Variants in VPS8 observed in about 807,000 individuals in gnomAD.
VPS8 encodes vacuolar protein sorting-associated protein 8 homolog.
In VPS8, 129 loss-of-function variants were observed where a neutral mutation model predicts 216.4. That is an observed-to-expected ratio of 0.60 (90% confidence interval 0.52 to 0.69). The LOEUF (loss-of-function observed/expected upper bound fraction) is 0.69, where lower values mean the gene tolerates loss of function less well. Ranked by LOEUF, VPS8 falls within the 30% of genes least tolerant of loss-of-function variation. The pLI is 0.00. For missense variants in VPS8, 1,531 were observed against 1,683.5 expected (o/e 0.91, Z 1.59); for synonymous variants, 571 against 565.4 (o/e 1.01, Z -0.14).
chr3:184,938,416 A>G (rs1742021025), intron 35 of VPS8, among the ~76,000 whole-genome samples: 1 of 152,196 alleles, frequency 6.6e-6, no homozygotes, highest in Non-Finnish European at 1.5e-5. Context: ...GCTTGATTGG[A>G]ATGCTAATGG....
chr3:184,940,272 A>ATATG (rs2109321273), intron 36 of VPS8, 29 bp downstream of exon 36: 2 of 723,964 alleles, frequency 2.8e-6, no homozygotes, highest in East Asian at 4.5e-5. Flanking sequence ...GTCTTTCATT[A>ATATG]TATATATATA....
chr3:184,948,575 G>GTA (rs1461315132), intron 36 of VPS8, among the ~76,000 whole-genome samples: 1 of 152,148 alleles, frequency 6.6e-6, no homozygotes, highest in Non-Finnish European at 1.5e-5. Context: ...GACTTTACCA[G>GTA]TAGTAAATCA....
In VPS8 at chr3:184,964,521, A is replaced by AG; in HGVS notation, c.3239dup (p.Asp1081ArgfsTer25). 1 of 1,521,714 alleles carries AG rather than the reference A, an allele frequency of 6.6e-7. No homozygotes were observed. Among genetic ancestry groups the AG allele is most frequent in the Non-Finnish European group, 8.9e-7 (1 of 1,129,592 alleles). 94.3% of individuals were successfully genotyped at this position (1,521,714 alleles called of 1,614,324 possible). ...TCACCGCTTATCTATTGGAAAAGAA[A>AG]GGAGATATTCATGGTGCCTTCCTAA... On this transcript the variant is annotated frameshift_variant, in exon 38 of 48. Coordinates refer to ENST00000625842, the MANE Select transcript of VPS8 (RefSeq NM_001009921.3). LOFTEE classifies it high-confidence loss of function.
At chr3:184,942,018 A>G (rs1742791694) in intron 36 of VPS8, among the ~76,000 whole-genome samples, 2 of 151,932 alleles carry the variant, frequency 1.3e-5, no homozygotes, top group South Asian at 4.2e-4. Flanking sequence ...TTTATGTCTT[A>G]TATAGGAGGT....
chr3:184,870,897 G>A, intron 21 of VPS8, 92 bp downstream of exon 21: 1 of 1,174,436 alleles, frequency 8.5e-7, no homozygotes, highest in African/African-American at 1.6e-5. Context: ...TTCATTTTTG[G>A]TTAAACATTT....
At chr3:184,943,931 G>A (rs1275085731) in intron 36 of VPS8, among the ~76,000 whole-genome samples, 7 of 126,460 alleles carry the variant, frequency 5.5e-5, no homozygotes, top group Non-Finnish European at 1.1e-4. Context: ...GTGAAACCCC[G>A]TCTTTACTAA....
intron 35 of VPS8, among the ~76,000 whole-genome samples, chr3:184,939,029 CA>C (rs201525906): frequency 0.027 from 1,450 of 53,472 alleles, 15 homozygotes; most frequent in African/African-American, 0.073. Flanking sequence ...GACCCTGTCT[CA>C]AAAAAAAAAA....
chr3:185,003,935 A>C (rs1255408505), intron 45 of VPS8, among the ~76,000 whole-genome samples: 1 of 146,500 alleles, frequency 6.8e-6, no homozygotes, highest in African/African-American at 2.6e-5. Context: ...GGCGGGGCAG[A>C]GGCGCTCCCC....
At position 184,929,607 on chromosome 3, in the gene VPS8, A is replaced by G; in HGVS notation, c.2742A>G (p.Glu914=). The change falls in exon 33 of 48, where the codon GAA becomes GAG. Residue 914 remains glutamate, a synonymous_variant. Transcript: ENST00000625842. ...EFYQICEFMY[E]REHQYDKIID... ...ATCAAATTTGTGAATTTATGTATGA[A>G]AGAGAACACCAATATGATAAAATTA... is the stretch of plus-strand genomic sequence containing the variant. 1 of 1,537,044 alleles carries G rather than the reference A, an allele frequency of 6.5e-7. No homozygotes were observed. Among genetic ancestry groups the G allele is most frequent in the Non-Finnish European group, 8.8e-7 (1 of 1,137,294 alleles).
In VPS8 at chr3:184,845,589, C is replaced by G. The variant is rs150728391; in HGVS notation, c.541+2344C>G. The stretch of plus-strand genomic sequence containing the variant: ...AGTCTAACATGGAGAAACCCTGTCT[C>G]TACTAAAAATACAAAATTAGCTGGG... On this transcript the variant is annotated intron_variant, in intron 8 of 47. Coordinates refer to ENST00000625842, the MANE Select transcript of VPS8 (RefSeq NM_001009921.3). Among the ~76,000 whole-genome samples, 494 of 151,970 alleles carry G rather than the reference C, an allele frequency of 3.3e-3. 4 individuals are homozygous for G. The highest frequency in any genetic ancestry group is 0.012 in the African/African-American group (480 of 41,442).
chr3:184,929,629 A>G lies in VPS8; in HGVS notation c.2764A>G (p.Ile922Val). The G allele has an allele frequency of 2.6e-6, 4 of 1,532,180 alleles. No individual in the cohort carries two copies. Among genetic ancestry groups the G allele is most frequent in the Non-Finnish European group, 3.5e-6 (4 of 1,135,566 alleles). 94.9% of individuals were successfully genotyped at this position (1,532,180 alleles called of 1,614,324 possible). ...TGAAAGAGAACACCAATATGATAAA[A>G]TTATTGATTGCTACTTACGTGACCC... ...MYEREHQYDK[I>V]IDCYLRDPLR... Residue 922 changes from isoleucine to valine, a missense_variant, in exon 33 of 48, where the codon ATT (isoleucine) becomes GTT (valine). Physicochemically the swap from Ile to Val is conservative, Grantham distance 29 (BLOSUM62 3). Around this residue, in one of 3 missense-constraint regions of VPS8, gnomAD observed 1,318 missense variants for 1,468.4 expected, o/e 0.90. Transcript: ENST00000625842.
chr3:184,993,912 T>C (rs1286515915), intron 42 of VPS8, 71 bp from the exon 43 acceptor site: 24 of 1,262,424 alleles, frequency 1.9e-5, no homozygotes, highest in Non-Finnish European at 2.6e-5. Flanking sequence ...TTTGGCTTTT[T>C]CAGATAACTT....
chr3:184,999,129 C>T (rs1468442731), intron 44 of VPS8, among the ~76,000 whole-genome samples: 1 of 152,148 alleles, frequency 6.6e-6, no homozygotes, highest in East Asian at 1.9e-4. Flanking sequence ...ACGATCTTGG[C>T]TCACTGCAAC....
chr3:184,915,863 T>TA (rs374509546), intron 28 of VPS8, among the ~76,000 whole-genome samples: 442 of 152,328 alleles, frequency 2.9e-3, no homozygotes, highest in African/African-American at 0.01. Flanking sequence ...CCATAATTCT[T>TA]ATGCAGGTAC....
intron 22 of VPS8, among the ~76,000 whole-genome samples, chr3:184,887,988 CTT>C (rs761993920): frequency 3.1e-4 from 43 of 139,850 alleles, no homozygotes; most frequent in Admixed American, 7.2e-4. Context: ...GAGAACATTA[CTT>C]TTTTTTTTTT....
intron 3 of VPS8, among the ~76,000 whole-genome samples, chr3:184,831,403 C>T (rs1050605922): frequency 6.6e-6 from 1 of 152,136 alleles, no homozygotes; most frequent in Admixed American, 6.5e-5. Context: ...TCAGCAAGGT[C>T]GGTAGGAGCT....
At chr3:184,835,984 C>T (rs1397384930) in intron 5 of VPS8, among the ~76,000 whole-genome samples, 1 of 152,146 alleles carries the variant, frequency 6.6e-6, no homozygotes. Context: ...GCTAGGATTA[C>T]AGGCATGAGC....
intron 22 of VPS8, among the ~76,000 whole-genome samples, chr3:184,890,627 T>C (rs1419536620): frequency 6.6e-6 from 1 of 152,140 alleles, no homozygotes. Context: ...TATGTATTCC[T>C]ATTTATATTT....
chr3:184,878,571 A>C (rs148797101), intron 21 of VPS8, among the ~76,000 whole-genome samples: 14 of 152,310 alleles, frequency 9.2e-5, no homozygotes, highest in African/African-American at 2.6e-4. Flanking sequence ...CAGTGACTAC[A>C]AGCCAAACAC....
Sources: gnomAD v4.1 joint callset for allele counts (sites outside exome capture counted in the v4.1 genomes callset) on GRCh38, gnomAD v4.1.1 for gene constraint, gnomAD v4.1.1 regional missense constraint, MANE v1.5 for transcripts, NCBI Gene and HGNC (gene_info 2026-07-23, HGNC 2026-07-21) for gene names.